Variants in NLRP14 observed in about 807,000 individuals in gnomAD.
NLRP14 encodes the protein NLR family pyrin domain containing 14, also known as NACHT, LRR and PYD domains-containing protein 14.
A neutral mutation model predicts 94.7 loss-of-function variants in NLRP14; 105 were observed. The observed-to-expected ratio is 1.11, with a 90% confidence interval of 0.95 to 1.30. NLRP14 has a LOEUF of 1.30. Ranked by LOEUF, NLRP14 falls within the 50% of genes most tolerant of loss-of-function variation. NLRP14 has a pLI of 0.00. For missense variants in NLRP14, 1,362 were observed against 1,254.1 expected, an observed-to-expected ratio of 1.09 and a Z score of -1.30; for synonymous variants, 508 against 459.9, an observed-to-expected ratio of 1.10 and a Z score of -1.34.
chr11:7,038,128 GT>G (rs1265827683), intron 1 of NLRP14, among the ~76,000 whole-genome samples: 1 of 152,160 alleles, frequency 6.6e-6, no homozygotes, highest in Non-Finnish European at 1.5e-5. Flanking sequence ...ATTAGATGTT[GT>G]TGGGGGATAG....
At chr11:7,022,226 C>A (rs1018545034) in intron 1 of NLRP14, among the ~76,000 whole-genome samples, 2 of 152,112 alleles carry the variant, frequency 1.3e-5, no homozygotes, top group Non-Finnish European at 2.9e-5. Flanking sequence ...TGGTCATGGA[C>A]CCTCCCTGGC....
In NLRP14 at chr11:7,038,693, A is replaced by G. The variant is rs113491335; in HGVS notation, c.107A>G (p.Glu36Gly). The G allele has an allele frequency of 2.5e-6, 4 of 1,614,098 alleles. No homozygotes were observed. The highest frequency in any genetic ancestry group is 3.4e-6 in the Non-Finnish European group (4 of 1,179,952). The change falls in exon 2 of 12, where the codon GAG becomes GGG. Residue 36 changes from glutamate to glycine, a missense_variant. Physicochemically the swap from Glu to Gly is moderately conservative, Grantham distance 98. Transcript: ENST00000299481. Reference sequence around the variant, plus strand: ...AATACATTCAAGTTATTCCTAAAGGAGACCATGGAACCTGAGCATGGCCTG... The same window carrying G: ...AATACATTCAAGTTATTCCTAAAGGGGACCATGGAACCTGAGCATGGCCTG... ...ELNTFKLFLK[E>G]TMEPEHGLTP... is the part of the protein sequence containing the mutation.
intron 6 of NLRP14, among the ~76,000 whole-genome samples, chr11:7,055,234 T>A (rs1487820926): frequency 6.6e-6 from 1 of 152,154 alleles, no homozygotes; most frequent in African/African-American, 2.4e-5. Context: ...AATAGGCCCA[T>A]GAAGCCTATC....
the NLRP14 span, chr11:7,090,359 T>G: frequency 6.6e-7 from 1 of 1,517,948 alleles, no homozygotes; most frequent in Non-Finnish European, 8.9e-7. Flanking sequence ...AAGAAGAACC[T>G]GTTGTATGGT....
intron 1 of NLRP14, among the ~76,000 whole-genome samples, chr11:7,034,737 G>C (rs1049980072): frequency 3.9e-5 from 6 of 152,148 alleles, no homozygotes; most frequent in African/African-American, 1.4e-4. Context: ...TCTTTCCTAA[G>C]TTGTGATGAA....
chr11:7,035,794 C>T (rs1233673751), intron 1 of NLRP14, among the ~76,000 whole-genome samples: 1 of 152,174 alleles, frequency 6.6e-6, no homozygotes, highest in East Asian at 1.9e-4. Context: ...AGAGGTCTTC[C>T]TCTTCTAGTC....
rs144967938 is a variant in NLRP14 at position 7,037,215 on chromosome 11, A to G, written c.-21-1351A>G. Among the ~76,000 whole-genome samples, 1,322 of 152,306 alleles carry G rather than the reference A, an allele frequency of 8.7e-3. 12 individuals are homozygous for G. Among genetic ancestry groups the G allele is most frequent in the South Asian group, 0.03 (146 of 4,824 alleles). ...TTTATGCTTTTTAAAAAATTACTAT[A>G]GGACTTGTTTTTGTCAGATTTATCT... On this transcript the variant is annotated intron_variant, in intron 1 of 11. Coordinates refer to ENST00000299481, the MANE Select transcript of NLRP14 (RefSeq NM_176822.4).
intron 6 of NLRP14, among the ~76,000 whole-genome samples, chr11:7,055,441 T>C (rs1852503990): frequency 6.6e-6 from 1 of 152,158 alleles, no homozygotes; most frequent in South Asian, 2.1e-4. Flanking sequence ...ACGAAGTTCT[T>C]GAGCAACCTG....
In NLRP14 at chr11:7,051,807, G is replaced by T. The variant is rs543552121; in HGVS notation, c.2291+1969G>T. Among the ~76,000 whole-genome samples the T allele has an allele frequency of 5.1e-3, 780 of 152,246 alleles. 3 individuals carry two copies. Among genetic ancestry groups the T allele is most frequent in the African/African-American group, 0.012 (500 of 41,540 alleles). The stretch of plus-strand genomic sequence containing the variant: ...CCGGCTTATTTTTGTGTTTTTAGTA[G>T]AGATGGGGTTTCACCATGTTGGCCA... On this transcript the variant is annotated intron_variant, in intron 6 of 11. Transcript: ENST00000299481.
chr11:7,082,528 G>T, the NLRP14 span, among the ~76,000 whole-genome samples: 7 of 152,118 alleles, frequency 4.6e-5, no homozygotes, highest in African/African-American at 1.7e-4. Context: ...AGCAATAGAT[G>T]GTTTCACCCT....
downstream of NLRP14, among the ~76,000 whole-genome samples, chr11:7,076,130 C>A (rs1302525795): frequency 6.6e-6 from 1 of 152,104 alleles, no homozygotes. Flanking sequence ...ATATTTTGAT[C>A]ATTATGGATA....
At position 7,057,723 on chromosome 11, in the gene NLRP14, A is replaced by C; in HGVS notation, c.2338A>C (p.Asn780His). ...TGTATTTTGTTGTCTAAATATATCTAATGCTCTCATCAGAAGCCAGAGCCT... is the reference window on the plus strand; with the variant it reads ...TGTATTTTGTTGTCTAAATATATCTCATGCTCTCATCAGAAGCCAGAGCCT... Reference protein sequence around the residue: ...LTVFCCLNISNALIRSQSLIF... With the variant: ...LTVFCCLNISHALIRSQSLIF... Residue 780 changes from asparagine to histidine, a missense_variant, in exon 7 of 12, where the codon AAT becomes CAT. Physicochemically the swap from Asn to His is moderately conservative, Grantham distance 68. Transcript: ENST00000299481. 1 of 1,612,374 alleles carries C rather than the reference A, an allele frequency of 6.2e-7. No homozygotes were observed. Among genetic ancestry groups the C allele is most frequent in the Non-Finnish European group, 8.5e-7 (1 of 1,178,596 alleles).
chr11:7,031,134 G>T (rs1172042143), intron 1 of NLRP14, among the ~76,000 whole-genome samples: 1 of 152,218 alleles, frequency 6.6e-6, no homozygotes, highest in Non-Finnish European at 1.5e-5. Flanking sequence ...CTTTCTGGTG[G>T]AACAGCAAAT....
At chr11:7,090,363 G>A in the NLRP14 span, 8 of 1,506,730 alleles carry the variant, frequency 5.3e-6, no homozygotes, top group East Asian at 1.5e-4. Flanking sequence ...AGAACCTGTT[G>A]TATGGTAACT....
intron 1 of NLRP14, among the ~76,000 whole-genome samples, chr11:7,021,291 C>T (rs1176580868): frequency 6.6e-6 from 1 of 152,184 alleles, no homozygotes; most frequent in Non-Finnish European, 1.5e-5. Flanking sequence ...AATGCTTAAA[C>T]CAGCCCCTTG....
downstream of NLRP14, among the ~76,000 whole-genome samples, chr11:7,073,977 G>A (rs1852838364): frequency 1.3e-5 from 2 of 152,110 alleles, no homozygotes; most frequent in South Asian, 4.2e-4. Context: ...GGGGAGTGCT[G>A]AAAATTCCAA....
chr11:7,038,911 G>A lies in NLRP14; in HGVS notation c.289+36G>A, dbSNP rs761659078. On this transcript the variant is annotated intron_variant, in intron 2 of 11. Coordinates refer to ENST00000299481, the MANE Select transcript of NLRP14 (RefSeq NM_176822.4). The stretch of plus-strand genomic sequence containing the variant: ...CTAGGGGCAAATCGGGGGCTAGGCA[G>A]GAAGGAAGTGTTTCCTGGAGCCCAG... The A allele has an allele frequency of 8.7e-6, 14 of 1,602,426 alleles. No homozygotes were observed. In the East Asian group the frequency reaches 1.3e-4, roughly 15 times the overall value.
chr11:7,081,332 T>C, the NLRP14 span, among the ~76,000 whole-genome samples: 2 of 152,068 alleles, frequency 1.3e-5, no homozygotes, highest in Non-Finnish European at 2.9e-5. Flanking sequence ...AGCCAAGTGG[T>C]CTAGGTGGTC....
downstream of NLRP14, among the ~76,000 whole-genome samples, chr11:7,073,153 G>A (rs904303540): frequency 1.2e-4 from 19 of 152,292 alleles, no homozygotes; most frequent in Admixed American, 6.5e-5. Context: ...TATCTTAAAA[G>A]CTAGGCCCAG....
Sources: gnomAD v4.1 joint callset for allele counts (sites outside exome capture counted in the v4.1 genomes callset) on GRCh38, gnomAD v4.1.1 for gene constraint, MANE v1.5 for transcripts, NCBI Gene and HGNC (gene_info 2026-07-23, HGNC 2026-07-21) for gene names.